The following NBPF20 variants were observed in gnomAD, a reference collection of about 807,000 sequenced individuals.
NBPF20 encodes the protein NBPF family member NBPF20.
In NBPF20, 90 loss-of-function variants were observed where a neutral mutation model predicts 68.1. The ratio of observed to expected loss-of-function variants is 1.32; its 90% CI spans 1.11 to 1.58. The LOEUF (loss-of-function observed/expected upper bound fraction) is 1.58. Among genes scored for constraint, NBPF20 ranks in the 40% most tolerant of loss-of-function variants. NBPF20 has a pLI of 0.00. For synonymous variants in NBPF20, 290 were observed against 228.1 expected, an observed-to-expected ratio of 1.27 and a Z score of -2.45; for missense variants, 816 against 601.2, an observed-to-expected ratio of 1.36 and a Z score of -3.74.
At chr1:145,342,806 CACACACAG>C (rs1259707921) in intron 73 of NBPF20, among the ~76,000 whole-genome samples, 1 of 115,944 alleles carries the variant, frequency 8.6e-6, no homozygotes, top group African/African-American at 3.6e-5. Flanking sequence ...GACACACACA[CACACACAG>C]AGAGAACGAG....
intron 9 of NBPF20, 151 bp downstream of exon 14, chr1:145,393,733 C>G (rs1662062025): frequency 2.0e-6 from 3 of 1,509,432 alleles, no homozygotes; most frequent in African/African-American, 1.4e-5. Flanking sequence ...TAAACATGTA[C>G]TCTAATGAGA....
chr1:145,398,053 C>T (rs1264029490), intron 7 of NBPF20, among the ~76,000 whole-genome samples: 2 of 152,072 alleles, frequency 1.3e-5, no homozygotes, highest in Non-Finnish European at 2.9e-5. Context: ...ATATATGCAC[C>T]GTATACAGGA....
At chr1:145,406,564 T>G (rs1662799823), upstream of NBPF20, among the ~76,000 whole-genome samples, 1 of 151,858 alleles carries the variant, frequency 6.6e-6, no homozygotes. Flanking sequence ...ATGAAAGATG[T>G]AGGCCATTTC....
chr1:145,402,249 G>T (rs1315980260), exon 4 of NBPF20: 8 of 1,609,326 alleles, frequency 5.0e-6, no homozygotes, highest in East Asian at 2.2e-5. Flanking sequence ...CCTGGGACTT[G>T]TCCGGCTCAT....
At chr1:145,291,844 T>A (rs1164284028) in intron 137 of NBPF20, 75 bp from the exon 143 acceptor site, 9 of 1,610,026 alleles carry the variant, frequency 5.6e-6, no homozygotes, top group Non-Finnish European at 5.9e-6. Flanking sequence ...ATTTCAGAAG[T>A]CACATAAGGA....
the NBPF20 span, among the ~76,000 whole-genome samples, chr1:145,411,100 CTTTTA>C: frequency 1.4e-5 from 2 of 144,912 alleles, no homozygotes; most frequent in East Asian, 4.0e-4. Context: ...CACCATTATT[CTTTTA>C]TAATATTGCT....
chr1:145,378,098 C>A lies in NBPF20; in HGVS notation c.3413-4G>T. On this transcript the variant is annotated splice_region_variant and splice_polypyrimidine_tract_variant and intron_variant, in intron 28 of 137. Coordinates refer to ENST00000369373, the Ensembl canonical transcript of NBPF20. ...ACTTCTTGGTACTTTTCAATTTCTG[C>A]AATAAGTTCAGACATGGACAGACAT... 4 of 194,818 alleles carry A rather than the reference C, an allele frequency of 2.1e-5. 1 individual carries two copies. The highest frequency in any genetic ancestry group is 3.7e-5 in the Non-Finnish European group (4 of 107,634). The allele number at this position is 194,818 out of a possible 1,614,324, so 12.1% of individuals were successfully genotyped here. A position where few individuals can be genotyped will look rare whatever the true frequency, so the allele number is the denominator to read the frequency against.
chr1:145,424,914 G>C, the NBPF20 span, among the ~76,000 whole-genome samples: 25 of 152,308 alleles, frequency 1.6e-4, no homozygotes, highest in East Asian at 1.2e-3. Context: ...GAAACCGCCA[G>C]GAGCAGAATC....
intron 6 of NBPF20, 77 bp downstream of exon 11, chr1:145,400,312 G>A: frequency 6.2e-7 from 1 of 1,601,548 alleles, no homozygotes; most frequent in South Asian, 1.1e-5. Context: ...ATGAATTTGT[G>A]TTTATAGAGC....
Position 145,292,586 on chromosome 1 carries a change from C to A in NBPF20, c.16589-97G>T, listed in dbSNP as rs144033154. 1.3e-5 allele frequency: 10 copies of A among 742,170 alleles called. 2 individuals carry two copies. Among genetic ancestry groups the A allele is most frequent in the Non-Finnish European group, 2.4e-5 (10 of 412,334 alleles). 46.0% of individuals were successfully genotyped at this position (742,170 alleles called of 1,614,324 possible). On this transcript the variant is annotated intron_variant, in intron 136 of 137. Transcript: ENST00000369373. ...TCCTCACACAGGGACCTCAGGCTCC[C>A]CAGCATAAGAATAGGACACTTTGAG... is the stretch of plus-strand genomic sequence containing the variant.
chr1:145,393,443 T>TCA (rs1216257064), intron 9 of NBPF20, among the ~76,000 whole-genome samples, 197 bp from the exon 15 acceptor site: 95 of 100,600 alleles, frequency 9.4e-4, no homozygotes, highest in African/African-American at 3.2e-3. Context: ...AGACACACAC[T>TCA]CACACACACA....
intron 9 of NBPF20, among the ~76,000 whole-genome samples, chr1:145,393,527 A>G (rs1439584645): frequency 0.019 from 2,911 of 152,000 alleles, 44 homozygotes; most frequent in Middle Eastern, 0.068. Flanking sequence ...TGACACACTG[A>G]TGAGGGAGTC....
At chr1:145,425,328 G>C in the NBPF20 span, among the ~76,000 whole-genome samples, 6 of 137,036 alleles carry the variant, frequency 4.4e-5, no homozygotes, top group African/African-American at 5.4e-5. Flanking sequence ...CTCACCGCCC[G>C]CCCGGCCTGG....
chr1:145,404,656 A>C (rs1318488424), intron 2 of NBPF20, among the ~76,000 whole-genome samples: 1 of 152,140 alleles, frequency 6.6e-6, no homozygotes, highest in African/African-American at 2.4e-5. Context: ...GGCTACTATC[A>C]CCAAGTTTCC....
exon 62 of NBPF20, chr1:145,352,068 C>T (rs1661646720): frequency 9.1e-5 from 4 of 43,966 alleles, no homozygotes; most frequent in South Asian, 4.2e-4. Context: ...GCTCTACTAC[C>T]TCCAGCAGCT....
intron 8 of NBPF20, among the ~76,000 whole-genome samples, chr1:145,394,450 A>T (rs1662114710): frequency 6.6e-6 from 1 of 152,104 alleles, no homozygotes; most frequent in African/African-American, 2.4e-5. Context: ...CATACCAGGA[A>T]CATGATGGAC....
chr1:145,422,542 G>T, the NBPF20 span, among the ~76,000 whole-genome samples: 1 of 149,244 alleles, frequency 6.7e-6, no homozygotes, highest in African/African-American at 2.5e-5. Context: ...GCCCAGGTTG[G>T]TCCAGAAACA....
chr1:145,409,716 T>A (rs587598905), upstream of NBPF20, among the ~76,000 whole-genome samples: 1 of 151,732 alleles, frequency 6.6e-6, no homozygotes, highest in African/African-American at 2.4e-5. Context: ...TTAGATTAAC[T>A]GAATTTAACT....
exon 138 of NBPF20, chr1:145,291,485 C>G: frequency 6.2e-7 from 1 of 1,611,996 alleles, no homozygotes; most frequent in Non-Finnish European, 8.5e-7. Flanking sequence ...CCTATAGGTC[C>G]TGCCTGCAGG....
Sources: allele counts gnomAD v4.1 joint callset (sites outside exome capture counted in the v4.1 genomes callset), GRCh38; gene constraint gnomAD v4.1.1; transcripts MANE v1.5; gene names NCBI Gene and HGNC (gene_info 2026-07-23, HGNC 2026-07-21).